ZNF77: variants seen among roughly 807,000 people sequenced by gnomAD.
The protein encoded by ZNF77 is ZNFpT1.
ZNF77 carries 15 observed loss-of-function variants against 13.5 expected under a neutral mutation model. That is an observed-to-expected ratio of 1.11 (90% CI 0.74 to 1.71). The LOEUF is 1.71. ZNF77 is among the 40% of genes most tolerant of loss of function. ZNF77 has a pLI of 0.00. For missense variants in ZNF77, 717 were observed against 676.4 expected, an observed-to-expected ratio of 1.06 and a Z score of -0.67; for synonymous variants, 282 against 250.0, an observed-to-expected ratio of 1.13 and a Z score of -1.21.
intron 1 of ZNF77, among the ~76,000 whole-genome samples, chr19:2,942,165 C>T (rs8107436): frequency 2.0e-5 from 3 of 151,090 alleles, no homozygotes; most frequent in Admixed American, 6.6e-5. Context: ...TCCGCCTCCC[C>T]GGTTCAAGCG....
intron 1 of ZNF77, among the ~76,000 whole-genome samples, chr19:2,942,450 G>C (rs1025363614): frequency 7.0e-6 from 1 of 142,104 alleles, no homozygotes. Context: ...CCTCAAACTC[G>C]TGGGCTCAAG....
At chr19:2,935,992 G>C (rs1423196599) in intron 3 of ZNF77, among the ~76,000 whole-genome samples, 2 of 150,770 alleles carry the variant, frequency 1.3e-5, no homozygotes, top group Non-Finnish European at 1.5e-5. Flanking sequence ...ACTTCAGCCT[G>C]GTTGACAGAG....
intron 1 of ZNF77, among the ~76,000 whole-genome samples, chr19:2,939,979 C>CA (rs1479319390): frequency 6.6e-6 from 1 of 151,766 alleles, no homozygotes; most frequent in African/African-American, 2.4e-5. Flanking sequence ...GACCCAATCT[C>CA]AAAAAAATAA....
At chr19:2,939,857 G>A (rs1433963528) in intron 1 of ZNF77, 2 of 178,916 alleles carry the variant, frequency 1.1e-5, no homozygotes, top group African/African-American at 2.4e-5. Context: ...GTACACACCT[G>A]TAGTCCCGGC....
chr19:2,942,360 G>A (rs935438888), intron 1 of ZNF77, among the ~76,000 whole-genome samples: 7 of 143,712 alleles, frequency 4.9e-5, no homozygotes, highest in East Asian at 2.0e-4. Context: ...GTGAGCCACC[G>A]CGCCCGGCTC....
chr19:2,938,753 G>A (rs566340001), intron 2 of ZNF77, among the ~76,000 whole-genome samples: 39 of 152,030 alleles, frequency 2.6e-4, no homozygotes, highest in East Asian at 7.7e-4. Context: ...TCAGGAGATC[G>A]AGACCATCCT....
intron 1 of ZNF77, among the ~76,000 whole-genome samples, chr19:2,942,542 T>C (rs576450899): frequency 5.5e-4 from 84 of 151,800 alleles, no homozygotes; most frequent in African/African-American, 1.9e-3. Context: ...TTACATTTAC[T>C]AAAACCTGGG....
intron 2 of ZNF77, among the ~76,000 whole-genome samples, chr19:2,938,463 A>G (rs1005812617): frequency 1.3e-5 from 2 of 152,226 alleles, no homozygotes; most frequent in African/African-American, 2.4e-5. Context: ...TGTTGCCCCA[A>G]CGTGACACAG....
At chr19:2,939,621 T>C (rs779349208) in intron 1 of ZNF77, 1 of 567,238 alleles carries the variant, frequency 1.8e-6, no homozygotes, top group Non-Finnish European at 3.1e-6. Context: ...GCCAGAGACT[T>C]ACAAAGAATT....
Position 2,933,526 on chromosome 19 carries a change from G to A in ZNF77, c.1601C>T (p.Ser534Leu), listed in dbSNP as rs373656581. ...ATGTGTTCTCACATGTGCTTGAAGC[G>A]ATGCGAGATACCTGAAGGTTTTCCC... ...QCGKTFRYLA[S>L]LQAHVRTHAG... Residue 534 changes from serine to leucine, a missense_variant, in exon 4 of 4, where the codon TCG becomes TTG. Ser to Leu is a moderately radical substitution (Grantham distance 145, BLOSUM62 -2). Transcript: ENST00000314531. 2.2e-5 allele frequency: 35 copies of A among 1,598,462 alleles called. No individual in the cohort carries two copies. Among genetic ancestry groups the A allele is most frequent in the African/African-American group, 8.0e-5 (6 of 74,800 alleles).
chr19:2,944,841 G>A lies in ZNF77; in HGVS notation c.-1C>T. On this transcript the variant is annotated 5_prime_UTR_variant, in exon 1 of 4. Transcript: ENST00000314531. ...TCGGCTCCCGCCCGGCACTCACCAT[G>A]TCCCGCCCGCTCCTGGGCTCTCCAG... 2.0e-6 allele frequency: 3 copies of A among 1,526,278 alleles called. No homozygotes were observed. The highest frequency in any genetic ancestry group is 2.4e-5 in the South Asian group (2 of 82,722). 94.5% of individuals were successfully genotyped at this position (1,526,278 alleles called of 1,614,324 possible).
chr19:2,933,992 G>C lies in ZNF77; in HGVS notation c.1135C>G (p.Pro379Ala), dbSNP rs779911205. 1 of 1,614,182 alleles carries C rather than the reference G, an allele frequency of 6.2e-7. No homozygotes were observed. The highest frequency in any genetic ancestry group is 2.2e-5 in the East Asian group (1 of 44,886). ...AHMRMHTGEK[P>A]YVCKQCGKAF... ...TTCCCACACTGCTTGCACACATAGG[G>C]CTTCTCTCCGGTGTGCATTCTCATG... Residue 379 changes from proline to alanine, a missense_variant, in exon 4 of 4, where the codon CCC becomes GCC. Transcript: ENST00000314531.
chr19:2,936,570 A>G lies in ZNF77; in HGVS notation c.265T>C (p.Phe89Leu), dbSNP rs2088399095. The G allele has an allele frequency of 6.2e-7, 1 of 1,611,398 alleles. No individual in the cohort carries two copies. The highest frequency in any genetic ancestry group is 2.2e-5 in the East Asian group (1 of 44,792). ...SWSIFGENWR[F>L]DNTGDQHQIP... ...TGGTGCTGATCTCCAGTGTTATCAA[A>G]TCTCCAATTTTCTCCAAAAATAGAC... is the stretch of plus-strand genomic sequence containing the variant. The change falls in exon 3 of 4, where the codon TTT (phenylalanine) becomes CTT (leucine). Residue 89 changes from phenylalanine to leucine, a missense_variant. By Grantham distance (22) the Phe-to-Leu change is conservative. Coordinates refer to ENST00000314531, the MANE Select transcript of ZNF77 (RefSeq NM_021217.3).
At chr19:2,942,702 G>A (rs545038216) in intron 1 of ZNF77, among the ~76,000 whole-genome samples, 5 of 152,166 alleles carry the variant, frequency 3.3e-5, no homozygotes, top group African/African-American at 1.2e-4. Context: ...AATTGGGACA[G>A]CCAGGACCCT....
chr19:2,934,345 G>C lies in ZNF77; in HGVS notation c.782C>G (p.Thr261Ser), dbSNP rs1290178023. 2.0e-5 allele frequency: 33 copies of C among 1,614,170 alleles called. No individual in the cohort carries two copies. The highest frequency in any genetic ancestry group is 2.8e-5 in the Non-Finnish European group (33 of 1,180,044). ...YYSYLTRHVR[T>S]HTGEKPYECK... is the part of the protein sequence containing the mutation. Reference sequence around the variant, plus strand: ...CTCATAGGGTTTCTCTCCTGTGTGAGTTCTTACGTGCCGTGTAAGGTAGGA... The same window carrying C: ...CTCATAGGGTTTCTCTCCTGTGTGACTTCTTACGTGCCGTGTAAGGTAGGA... Residue 261 changes from threonine to serine, a missense_variant, in exon 4 of 4, where the codon ACT becomes AGT. Transcript: ENST00000314531.
Position 2,934,210 on chromosome 19 carries a change from C to A in ZNF77, c.917G>T (p.Ser306Ile). Residue 306 changes from serine to isoleucine, a missense_variant, in exon 4 of 4, where the codon AGC (serine) becomes ATC (isoleucine). Ser to Ile is a moderately radical substitution (Grantham distance 142). Coordinates refer to ENST00000314531, the MANE Select transcript of ZNF77 (RefSeq NM_021217.3). ...YECKHCGKSF[S>I]CYSSFRDHVR... ...GTGATCTCTAAAGGAGGAGTAACAG[C>A]TGAATGATTTTCCACAATGCTTACA... The A allele has an allele frequency of 6.2e-7, 1 of 1,614,150 alleles. No individual in the cohort carries two copies. The highest frequency in any genetic ancestry group is 8.5e-7 in the Non-Finnish European group (1 of 1,180,026).
At chr19:2,943,828 G>C (rs8111319) in intron 1 of ZNF77, among the ~76,000 whole-genome samples, 6,291 of 149,874 alleles carry the variant, frequency 0.042, 429 homozygotes, top group African/African-American at 0.15. Context: ...TCCTGTCTCA[G>C]CCTCCCTGGT....
chr19:2,939,521 GT>G, intron 1 of ZNF77, 114 bp from the exon 2 acceptor site: 1 of 1,476,130 alleles, frequency 6.8e-7, no homozygotes, highest in Non-Finnish European at 9.2e-7. Flanking sequence ...TTATGTCCTT[GT>G]GAGAGGTGAC....
At position 2,939,319 on chromosome 19, in the gene ZNF77, T is replaced by C. The variant is rs2088429323; in HGVS notation, c.92A>G (p.Asp31Gly). 6.2e-7 allele frequency: 1 copy of C among 1,614,170 alleles called. No homozygotes were observed. The highest frequency in any genetic ancestry group is 8.5e-7 in the Non-Finnish European group (1 of 1,180,016). ...LDHAQRSLYR[D>G]VMLETCRNLA... ...GTTCCTGCAGGTCTCCAGCATCACA[T>C]CTCTGTAGAGGCTCCTCTGAGCATG... Residue 31 changes from aspartate to glycine, a missense_variant, in exon 2 of 4, where the codon GAT (aspartate) becomes GGT (glycine). Coordinates refer to ENST00000314531, the MANE Select transcript of ZNF77 (RefSeq NM_021217.3).
Sources: allele counts gnomAD v4.1 joint callset (sites outside exome capture counted in the v4.1 genomes callset), GRCh38; gene constraint gnomAD v4.1.1; transcripts MANE v1.5; gene names NCBI Gene and HGNC (gene_info 2026-07-23, HGNC 2026-07-21).